The following BARD1 variants were observed in gnomAD, a reference collection of about 807,000 sequenced individuals.
The protein encoded by BARD1 is BRCA1 associated RING domain 1, also known as BRCA1-associated RING domain protein 1.
BARD1 carries 73 observed loss-of-function variants against 77.0 expected under a neutral mutation model. The observed-to-expected ratio is 0.95, with a 90% CI of 0.79 to 1.15. BARD1 has a LOEUF of 1.15. BARD1 is among the 50% of genes most tolerant of loss of function. BARD1 has a pLI of 0.00. For missense variants in BARD1, 993 were observed against 938.8 expected, an observed-to-expected ratio of 1.06 and a Z score of -0.75; for synonymous variants, 384 against 338.0, an observed-to-expected ratio of 1.14 and a Z score of -1.49.
intron 1 of BARD1, among the ~76,000 whole-genome samples, chr2:214,798,226 C>T (rs542749233): frequency 2.7e-5 from 4 of 148,300 alleles, no homozygotes; most frequent in Admixed American, 6.7e-5. Flanking sequence ...AAAAACAGTA[C>T]ACACCCACAA....
At chr2:214,785,493 A>C (rs1033610569) in intron 3 of BARD1, among the ~76,000 whole-genome samples, 2 of 152,100 alleles carry the variant, frequency 1.3e-5, no homozygotes, top group African/African-American at 4.8e-5. Context: ...TAGTGAATAA[A>C]TTATTTGATA....
At chr2:214,798,772 G>GAAAAACAAAAAAAAAAAAAA (rs1695876557) in intron 1 of BARD1, among the ~76,000 whole-genome samples, 1 of 127,496 alleles carries the variant, frequency 7.8e-6, no homozygotes, top group Non-Finnish European at 1.6e-5. Context: ...ATTAAAAAAA[G>GAAAAACAAAAAAAAAAAAAA]AAAAAAAAAA....
At chr2:214,776,838 T>C (rs1694757875) in intron 4 of BARD1, among the ~76,000 whole-genome samples, 1 of 152,184 alleles carries the variant, frequency 6.6e-6, no homozygotes, top group South Asian at 2.1e-4. Context: ...GTATGAATTC[T>C]TAAAAGCAGA....
At chr2:214,731,480 TAACTA>T (rs1220088759) in intron 9 of BARD1, among the ~76,000 whole-genome samples, 2 of 152,250 alleles carry the variant, frequency 1.3e-5, no homozygotes, top group Admixed American at 6.5e-5. Context: ...TGATGGCATA[TAACTA>T]AACTAAATTT....
intron 7 of BARD1, among the ~76,000 whole-genome samples, chr2:214,749,943 G>A: frequency 6.6e-6 from 1 of 152,090 alleles, no homozygotes; most frequent in Non-Finnish European, 1.5e-5. Flanking sequence ...TAAGGCTGAA[G>A]TCTAAAGCAG....
intron 9 of BARD1, chr2:214,730,901 C>A (rs1373516317): frequency 2.2e-6 from 1 of 457,904 alleles, no homozygotes; most frequent in Admixed American, 2.3e-5. Flanking sequence ...CTAAACTGAG[C>A]ACTTACCATC....
intron 6 of BARD1, among the ~76,000 whole-genome samples, chr2:214,764,041 C>A (rs1253967491): frequency 6.6e-6 from 1 of 152,156 alleles, no homozygotes; most frequent in Non-Finnish European, 1.5e-5. Context: ...GCCAATTGGG[C>A]AAAAGCTGCC....
chr2:214,763,177 C>G (rs578031782), intron 6 of BARD1, among the ~76,000 whole-genome samples: 3 of 152,178 alleles, frequency 2.0e-5, no homozygotes, highest in Non-Finnish European at 4.4e-5. Context: ...TTATCTTTCT[C>G]AAAATCCCAT....
chr2:214,781,657 G>C, intron 3 of BARD1, 148 bp from the exon 4 acceptor site: 2 of 655,712 alleles, frequency 3.1e-6, no homozygotes, highest in Non-Finnish European at 5.2e-6. Flanking sequence ...TGAACTCTTT[G>C]ATAGCAGATA....
intron 9 of BARD1, among the ~76,000 whole-genome samples, chr2:214,742,096 A>G (rs906199610): frequency 3.9e-5 from 6 of 152,248 alleles, no homozygotes; most frequent in African/African-American, 1.4e-4. Flanking sequence ...CAGCAAGTTA[A>G]TGGACAGACT....
intron 1 of BARD1, among the ~76,000 whole-genome samples, chr2:214,799,245 G>A (rs934562532): frequency 1.3e-5 from 2 of 152,288 alleles, no homozygotes; most frequent in Non-Finnish European, 2.9e-5. Flanking sequence ...AGGTTGAGGT[G>A]AGCCGAGATT....
chr2:214,750,169 CTCT>C (rs138707544), intron 7 of BARD1, among the ~76,000 whole-genome samples: 1,751 of 152,182 alleles, frequency 0.012, 41 homozygotes, highest in African/African-American at 0.039. Flanking sequence ...CTCTCTAAAA[CTCT>C]TCTTCTTCTC....
At chr2:214,806,779 C>G (rs10195568) in intron 1 of BARD1, among the ~76,000 whole-genome samples, 3,906 of 147,322 alleles carry the variant, frequency 0.027, 168 homozygotes, top group African/African-American at 0.093. Flanking sequence ...GAGGCTGAGG[C>G]AAGAGAATTG....
intron 9 of BARD1, among the ~76,000 whole-genome samples, chr2:214,742,443 A>G (rs1052322335): frequency 2.0e-5 from 3 of 152,152 alleles, no homozygotes; most frequent in African/African-American, 4.8e-5. Flanking sequence ...CTTTTTGTAA[A>G]CCCAGTGACT....
At chr2:214,749,304 G>T (rs1422029537) in intron 7 of BARD1, among the ~76,000 whole-genome samples, 2 of 152,168 alleles carry the variant, frequency 1.3e-5, no homozygotes, top group African/African-American at 2.4e-5. Flanking sequence ...GAAGAGACTG[G>T]TAGTGGCTGG....
chr2:214,782,318 T>C (rs1217130253), intron 3 of BARD1, among the ~76,000 whole-genome samples: 2 of 152,120 alleles, frequency 1.3e-5, no homozygotes, highest in South Asian at 2.1e-4. Context: ...ACTGATTTAA[T>C]GTGTTAAGTC....
chr2:214,745,254 A>C, intron 8 of BARD1, 95 bp from the exon 9 acceptor site: 3 of 1,114,480 alleles, frequency 2.7e-6, no homozygotes, highest in Non-Finnish European at 4.0e-6. Context: ...TTGTAAGCTT[A>C]TATCTGAATC....
chr2:214,786,815 C>T (rs554251370), intron 3 of BARD1, among the ~76,000 whole-genome samples: 49 of 152,012 alleles, frequency 3.2e-4, no homozygotes, highest in South Asian at 1.7e-3. Context: ...ACCTGGTCCA[C>T]AAAGTGTTAT....
intron 3 of BARD1, among the ~76,000 whole-genome samples, chr2:214,782,554 T>C (rs1435747529): frequency 6.6e-6 from 1 of 151,916 alleles, no homozygotes; most frequent in Non-Finnish European, 1.5e-5. Flanking sequence ...AAAGATTCCA[T>C]TGAGGGTAGA....
Sources: allele counts gnomAD v4.1 joint callset (sites outside exome capture counted in the v4.1 genomes callset), GRCh38; gene constraint gnomAD v4.1.1; transcripts MANE v1.5; gene names NCBI Gene and HGNC (gene_info 2026-07-23, HGNC 2026-07-21).